The following TENM4 variants were observed in gnomAD, a reference collection of about 807,000 sequenced individuals.
TENM4 encodes teneurin transmembrane protein 4, also known as teneurin-4.
In TENM4, 82 loss-of-function variants were observed where a neutral mutation model predicts 243.3. The observed-to-expected ratio is 0.34, with a 90% CI of 0.28 to 0.40. The LOEUF (loss-of-function observed/expected upper bound fraction) is 0.40. TENM4 is among the 10% of genes least tolerant of loss of function. TENM4 has a pLI of 1.00. For missense variants in TENM4, 3,138 were observed against 3,673.3 expected, an observed-to-expected ratio of 0.85 and a Z score of 3.77; for synonymous variants, 1,412 against 1,456.3, an observed-to-expected ratio of 0.97 and a Z score of 0.69.
At chr11:79,027,905 A>G (rs1461400456) in intron 6 of TENM4, among the ~76,000 whole-genome samples, 1 of 152,190 alleles carries the variant, frequency 6.6e-6, no homozygotes, top group African/African-American at 2.4e-5. Context: ...CAATGTAGGT[A>G]CTATGAAGCC....
At chr11:79,241,921 C>T (rs1016001361) in intron 2 of TENM4, among the ~76,000 whole-genome samples, 13 of 152,182 alleles carry the variant, frequency 8.5e-5, no homozygotes, top group East Asian at 7.7e-4. Context: ...GAATCCGGAA[C>T]AGAGAAGTAA....
chr11:79,019,949 T>G (rs1034964864), intron 6 of TENM4, among the ~76,000 whole-genome samples: 1 of 152,198 alleles, frequency 6.6e-6, no homozygotes, highest in Non-Finnish European at 1.5e-5. Flanking sequence ...TTCAGGCACC[T>G]GAGTACCTGG....
Position 79,334,798 on chromosome 11 carries a change from G to C in TENM4, c.-320-37255C>G, listed in dbSNP as rs114405211. 5.0e-3 allele frequency among the ~76,000 whole-genome samples: 759 copies of C among 152,280 alleles called. 6 individuals are homozygous for C. The highest frequency in any genetic ancestry group is 0.018 in the African/African-American group (733 of 41,560). ...TGACTGAGAAATCCTGTCATAAAGA[G>C]ATCTGTTTCATTTTAAGCCTGAATT... On this transcript the variant is annotated intron_variant, in intron 1 of 33. Transcript: ENST00000278550.
At chr11:78,927,129 G>T (rs1591135895) in intron 6 of TENM4, among the ~76,000 whole-genome samples, 1 of 152,222 alleles carries the variant, frequency 6.6e-6, no homozygotes, top group Non-Finnish European at 1.5e-5. Flanking sequence ...TTTGCTGTAT[G>T]TTTGGAGCTT....
intron 3 of TENM4, among the ~76,000 whole-genome samples, chr11:79,207,161 G>A (rs1863865059): frequency 2.0e-5 from 3 of 152,288 alleles, no homozygotes; most frequent in Non-Finnish European, 4.4e-5. Context: ...TTCACCTCCA[G>A]GGGGACCTGG....
chr11:78,980,553 G>C (rs1237412362), intron 6 of TENM4, among the ~76,000 whole-genome samples: 1 of 152,232 alleles, frequency 6.6e-6, no homozygotes, highest in African/African-American at 2.4e-5. Flanking sequence ...CTATAGGAAG[G>C]CAGCAGTGGA....
intron 4 of TENM4, among the ~76,000 whole-genome samples, chr11:79,094,673 C>T (rs1358600951): frequency 6.6e-6 from 1 of 152,184 alleles, no homozygotes; most frequent in Non-Finnish European, 1.5e-5. Context: ...GGTCACAGGG[C>T]AAAATCATTC....
chr11:79,389,494 C>T (rs1858186263), intron 1 of TENM4, among the ~76,000 whole-genome samples: 1 of 152,208 alleles, frequency 6.6e-6, no homozygotes, highest in South Asian at 2.1e-4. Flanking sequence ...CCCCGAGTCC[C>T]ATCATCAGTG....
At chr11:79,424,802 C>T (rs1178637719) in intron 1 of TENM4, among the ~76,000 whole-genome samples, 5 of 151,714 alleles carry the variant, frequency 3.3e-5, no homozygotes, top group East Asian at 2.0e-4. Context: ...GGCGTGGTGG[C>T]GGACGCCTAT....
chr11:78,932,007 A>G (rs1856680376), intron 6 of TENM4, among the ~76,000 whole-genome samples: 1 of 152,182 alleles, frequency 6.6e-6, no homozygotes, highest in Admixed American at 6.5e-5. Flanking sequence ...AACAACAAAA[A>G]AAGGTAGTAA....
At chr11:79,079,347 C>A (rs562583855) in intron 4 of TENM4, among the ~76,000 whole-genome samples, 107 of 152,288 alleles carry the variant, frequency 7.0e-4, no homozygotes, top group Admixed American at 1.8e-3. Context: ...TGGGAGGGCT[C>A]CCCCCAGAGC....
chr11:79,233,424 A>G (rs1864405409), intron 2 of TENM4, among the ~76,000 whole-genome samples: 1 of 152,178 alleles, frequency 6.6e-6, no homozygotes, highest in Non-Finnish European at 1.5e-5. Flanking sequence ...GCTGCTGCAA[A>G]GGTCTAGATT....
chr11:78,906,909 G>C (rs1856076344), intron 6 of TENM4, among the ~76,000 whole-genome samples: 1 of 152,176 alleles, frequency 6.6e-6, no homozygotes, highest in Non-Finnish European at 1.5e-5. Context: ...TGAATGGCCT[G>C]AGCTGTCAGT....
chr11:78,927,797 C>T (rs550203297), intron 6 of TENM4, among the ~76,000 whole-genome samples: 53 of 152,268 alleles, frequency 3.5e-4, no homozygotes, highest in African/African-American at 9.6e-4. Context: ...AGTTGGCACT[C>T]AACCAGGCTC....
intron 2 of TENM4, among the ~76,000 whole-genome samples, chr11:79,282,161 A>G (rs920431198): frequency 2.6e-5 from 4 of 152,238 alleles, no homozygotes; most frequent in Admixed American, 2.6e-4. Context: ...ATTAAAAAGT[A>G]CTGAAAAGGA....
chr11:79,376,283 C>G (rs1320867166), intron 1 of TENM4, among the ~76,000 whole-genome samples: 2 of 152,202 alleles, frequency 1.3e-5, no homozygotes, highest in Admixed American at 6.5e-5. Context: ...GAACTCAAAA[C>G]AAGATCAAAT....
At chr11:79,351,573 G>T (rs1358916314) in intron 1 of TENM4, among the ~76,000 whole-genome samples, 1 of 152,106 alleles carries the variant, frequency 6.6e-6, no homozygotes, top group Non-Finnish European at 1.5e-5. Flanking sequence ...AGGCGTGATT[G>T]GCAGGCATCT....
intron 25 of TENM4, among the ~76,000 whole-genome samples, chr11:78,717,703 T>C (rs1445574608): frequency 6.6e-6 from 1 of 152,200 alleles, no homozygotes; most frequent in Non-Finnish European, 1.5e-5. Context: ...TACTAGAAGA[T>C]TTGGTGCACA....
chr11:79,389,905 A>G (rs989260684), intron 1 of TENM4, among the ~76,000 whole-genome samples: 1 of 152,222 alleles, frequency 6.6e-6, no homozygotes, highest in Admixed American at 6.5e-5. Context: ...TGTAAAGCCT[A>G]AAATATTTAC....
Sources: allele counts gnomAD v4.1 joint callset (sites outside exome capture counted in the v4.1 genomes callset), GRCh38; gene constraint gnomAD v4.1.1; transcripts MANE v1.5; gene names NCBI Gene and HGNC (gene_info 2026-07-23, HGNC 2026-07-21).